Variants in IL1RAPL1 observed in about 807,000 individuals in gnomAD.
IL1RAPL1 encodes interleukin 1 receptor accessory protein like 1, also known as interleukin-1 receptor accessory protein-like 1.
In IL1RAPL1, 3 loss-of-function variants were observed where a neutral mutation model predicts 48.4. The ratio of observed to expected loss-of-function variants is 0.06; its 90% CI spans 0.03 to 0.16. The LOEUF (loss-of-function observed/expected upper bound fraction) is 0.16. IL1RAPL1 is among the 10% of genes least tolerant of loss of function. The probability of loss-of-function intolerance (pLI) is 1.00; values close to 1 mark genes in which losing one functional copy is unlikely to be tolerated. For missense variants in IL1RAPL1, 349 were observed against 530.6 expected (o/e 0.66, Z 3.36); for synonymous variants, 185 against 187.7 (o/e 0.99, Z 0.12).
chrX:29,555,615 AC>A (rs1224972419), intron 5 of IL1RAPL1, among the ~76,000 whole-genome samples: 1 of 111,663 alleles, frequency 9.0e-6, no homozygotes, highest in Non-Finnish European at 1.9e-5. Flanking sequence ...ACTGAAACCT[AC>A]CTGTGTGCAC....
chrX:29,326,035 A>C, intron 3 of IL1RAPL1, among the ~76,000 whole-genome samples: 2 of 112,256 alleles, frequency 1.8e-5, no homozygotes, highest in African/African-American at 3.2e-5. Context: ...CCCCATCTCC[A>C]ACATTGAAGA....
chrX:29,039,449 G>A (rs1458667093), intron 2 of IL1RAPL1, among the ~76,000 whole-genome samples: 2 of 111,682 alleles, frequency 1.8e-5, no homozygotes, highest in African/African-American at 6.5e-5. Context: ...TGAATGAATT[G>A]TTTTCTTCTT....
chrX:29,492,687 T>A (rs1935171263), intron 5 of IL1RAPL1, among the ~76,000 whole-genome samples: 1 of 112,039 alleles, frequency 8.9e-6, no homozygotes, highest in African/African-American at 3.2e-5. Context: ...TCTGTATAAT[T>A]CAGGATAACC....
intron 2 of IL1RAPL1, among the ~76,000 whole-genome samples, chrX:29,195,800 A>G (rs978210817): frequency 9.0e-6 from 1 of 110,653 alleles, no homozygotes; most frequent in Non-Finnish European, 1.9e-5. Context: ...ACCTCAGGTG[A>G]TCCACCCGCC....
At chrX:29,441,881 T>C (rs1368811668) in intron 5 of IL1RAPL1, among the ~76,000 whole-genome samples, 1 of 111,940 alleles carries the variant, frequency 8.9e-6, no homozygotes, top group Non-Finnish European at 1.9e-5. Flanking sequence ...CTTAGAAGAG[T>C]TCACAAAATA....
intron 2 of IL1RAPL1, among the ~76,000 whole-genome samples, chrX:29,208,439 C>T (rs889734147): frequency 9.0e-6 from 1 of 111,207 alleles, no homozygotes; most frequent in African/African-American, 3.3e-5. Context: ...GGGCCGGGCA[C>T]GGTGGCTCAC....
At chrX:29,324,352 A>G (rs1932830063) in intron 3 of IL1RAPL1, among the ~76,000 whole-genome samples, 1 of 111,630 alleles carries the variant, frequency 9.0e-6, no homozygotes, top group Non-Finnish European at 1.9e-5. Flanking sequence ...AGGGAAGACT[A>G]CCTTTTTATG....
chrX:28,625,694 A>G (rs1934332441), intron 1 of IL1RAPL1, among the ~76,000 whole-genome samples: 1 of 110,814 alleles, frequency 9.0e-6, no homozygotes, highest in Non-Finnish European at 1.9e-5. Context: ...ACAGATGTGT[A>G]AAATGCCAGT....
At chrX:29,361,811 C>A (rs1933380602) in intron 3 of IL1RAPL1, among the ~76,000 whole-genome samples, 1 of 111,763 alleles carries the variant, frequency 8.9e-6, no homozygotes, top group African/African-American at 3.2e-5. Flanking sequence ...TGGAAGAAAG[C>A]CATGTATTTT....
intron 2 of IL1RAPL1, among the ~76,000 whole-genome samples, chrX:28,881,471 A>G (rs1274963339): frequency 2.7e-5 from 3 of 111,553 alleles, no homozygotes; most frequent in African/African-American, 9.8e-5. Flanking sequence ...TATTTGTCTT[A>G]TTTGTCTAGT....
chrX:28,712,991 T>C (rs905370652), intron 1 of IL1RAPL1, among the ~76,000 whole-genome samples: 1 of 111,811 alleles, frequency 8.9e-6, no homozygotes, highest in Non-Finnish European at 1.9e-5. Flanking sequence ...TTGGCTGTTA[T>C]GCCAAAAGAT....
intron 5 of IL1RAPL1, among the ~76,000 whole-genome samples, chrX:29,493,135 T>C (rs915412464): frequency 2.3e-4 from 26 of 112,153 alleles, no homozygotes; most frequent in African/African-American, 8.4e-4. Context: ...AGGGTCCAGT[T>C]AAATTTGTGT....
At chrX:29,819,100 A>T (rs1440903235) in intron 6 of IL1RAPL1, among the ~76,000 whole-genome samples, 2 of 111,988 alleles carry the variant, frequency 1.8e-5, no homozygotes, top group Non-Finnish European at 3.8e-5. Flanking sequence ...GTTATACCTT[A>T]TGTAAACTGA....
chrX:29,561,649 T>A (rs1256138626), intron 5 of IL1RAPL1, among the ~76,000 whole-genome samples: 1 of 112,021 alleles, frequency 8.9e-6, no homozygotes, highest in African/African-American at 3.2e-5. Flanking sequence ...AGCTGTGTGC[T>A]GCCTTGGGAA....
At chrX:28,909,523 T>G (rs1923306270) in intron 2 of IL1RAPL1, among the ~76,000 whole-genome samples, 1 of 111,506 alleles carries the variant, frequency 9.0e-6, no homozygotes, top group South Asian at 3.7e-4. Flanking sequence ...AACATCTTCA[T>G]TTTTCAGGCA....
At chrX:28,684,226 T>C (rs946477128) in intron 1 of IL1RAPL1, among the ~76,000 whole-genome samples, 7 of 112,480 alleles carry the variant, frequency 6.2e-5, no homozygotes, top group African/African-American at 2.3e-4. Context: ...GCATATGCTA[T>C]TTCATTTCAT....
At chrX:29,072,376 TA>T (rs1350197399) in intron 2 of IL1RAPL1, among the ~76,000 whole-genome samples, 1 of 112,124 alleles carries the variant, frequency 8.9e-6, no homozygotes, top group Non-Finnish European at 1.9e-5. Context: ...TATAATATTT[TA>T]TTCTCAGAAA....
chrX:29,177,893 T>G (rs1249250490), intron 2 of IL1RAPL1, among the ~76,000 whole-genome samples: 2 of 111,912 alleles, frequency 1.8e-5, no homozygotes, highest in Non-Finnish European at 3.8e-5. Context: ...GGTTTCCAGC[T>G]TCATCTATGT....
chrX:29,500,723 G>A (rs1203503945), intron 5 of IL1RAPL1, among the ~76,000 whole-genome samples: 1 of 111,652 alleles, frequency 9.0e-6, no homozygotes, highest in African/African-American at 3.3e-5. Flanking sequence ...TCTATTGATG[G>A]GTACCTACAC....
Sources: gnomAD v4.1 joint callset for allele counts (sites outside exome capture counted in the v4.1 genomes callset) on GRCh38, gnomAD v4.1.1 for gene constraint, MANE v1.5 for transcripts, NCBI Gene and HGNC (gene_info 2026-07-23, HGNC 2026-07-21) for gene names.